Variants in KANK1 observed in about 807,000 individuals in gnomAD.
The protein encoded by KANK1 is KN motif and ankyrin repeat domain-containing protein 1.
In KANK1, 109 loss-of-function variants were observed where a neutral mutation model predicts 106.2. The observed-to-expected ratio is 1.03, with a 90% CI of 0.88 to 1.20. The LOEUF (loss-of-function observed/expected upper bound fraction) is 1.20, where lower values mean the gene tolerates loss of function less well. Among genes scored for constraint, KANK1 ranks in the 50% most tolerant of loss-of-function variants. KANK1 has a pLI of 0.00. For missense variants in KANK1, 2,399 were observed against 1,710.7 expected (o/e 1.40, Z -7.10); for synonymous variants, 873 against 652.2 (o/e 1.34, Z -5.16).
At position 585,414 on chromosome 9, in the gene KANK1, C is replaced by G. The variant is rs1019823265; in HGVS notation, c.-84+80660C>G. ...AGCTGTCAGATTGTCTACCAATGGT[C>G]TACCCATTGATGATGGAACAAGCTC... On this transcript the variant is annotated intron_variant, in intron 1 of 11. Transcript: ENST00000382297. Among the ~76,000 whole-genome samples the G allele has an allele frequency of 7.9e-5, 12 of 152,164 alleles. 1 individual carries two copies. Among genetic ancestry groups the G allele is most frequent in the Admixed American group, 2.0e-4 (3 of 15,268 alleles).
upstream of KANK1, among the ~76,000 whole-genome samples, chr9:501,723 T>A (rs1187791531): frequency 6.6e-6 from 1 of 151,942 alleles, no homozygotes; most frequent in Non-Finnish European, 1.5e-5. Context: ...TGTTACTTTT[T>A]AAAAAAATAG....
At chr9:671,919 G>T (rs1421692620) in intron 1 of KANK1, among the ~76,000 whole-genome samples, 1 of 152,112 alleles carries the variant, frequency 6.6e-6, no homozygotes, top group East Asian at 1.9e-4. Context: ...CTGCACTCCA[G>T]CCTGGGCTAC....
chr9:744,440 C>G (rs925293532), intron 10 of KANK1, 51 bp from the exon 11 acceptor site: 13 of 1,579,946 alleles, frequency 8.2e-6, no homozygotes, highest in Middle Eastern at 1.8e-4. Context: ...TTTCGGTTGT[C>G]TGGAGGTTTG....
chr9:722,968 C>G (rs1272788961), intron 3 of KANK1, among the ~76,000 whole-genome samples: 1 of 152,108 alleles, frequency 6.6e-6, no homozygotes, highest in East Asian at 1.9e-4. Context: ...AAAGACATCT[C>G]TGTGGAATGG....
intron 1 of KANK1, among the ~76,000 whole-genome samples, chr9:666,501 G>A (rs1185004867): frequency 6.6e-6 from 1 of 152,008 alleles, no homozygotes; most frequent in Non-Finnish European, 1.5e-5. Context: ...TAGTGAAAGT[G>A]CACCCCCTTG....
chr9:578,144 A>C (rs1164408383), intron 1 of KANK1, among the ~76,000 whole-genome samples: 1 of 152,226 alleles, frequency 6.6e-6, no homozygotes, highest in Non-Finnish European at 1.5e-5. Context: ...GAACTGAGCC[A>C]AATGAGGACT....
At chr9:575,079 A>G (rs1820192576) in intron 1 of KANK1, among the ~76,000 whole-genome samples, 1 of 152,218 alleles carries the variant, frequency 6.6e-6, no homozygotes, top group African/African-American at 2.4e-5. Context: ...GGCTTCTCCC[A>G]TCTTGCTTGG....
chr9:730,157 G>A lies in KANK1; in HGVS notation c.2805G>A (p.Lys935=). The A allele has an allele frequency of 6.2e-7, 1 of 1,614,210 alleles. No individual in the cohort carries two copies. Among genetic ancestry groups the A allele is most frequent in the Non-Finnish European group, 8.5e-7 (1 of 1,180,038 alleles). ...AAGAAGTGGGGACCTCAGAAGGAAAGCCAATCAGCAGCCTGGATGCCTTCC... is the reference window on the plus strand; with the variant it reads ...AAGAAGTGGGGACCTCAGAAGGAAAACCAATCAGCAGCCTGGATGCCTTCC... ...PEQEVGTSEG[K]PISSLDAFPT... is the part of the protein sequence containing the mutation. Residue 935 remains lysine, a synonymous_variant, in exon 4 of 12, where the codon AAG becomes AAA. Transcript: ENST00000382297.
chr9:634,458 CT>C (rs1316335483), intron 1 of KANK1, among the ~76,000 whole-genome samples: 1 of 152,120 alleles, frequency 6.6e-6, no homozygotes, highest in African/African-American at 2.4e-5. Flanking sequence ...GTGATGTTAT[CT>C]ATAGGAGCAA....
At chr9:678,086 A>C (rs1044621440) in intron 2 of KANK1, among the ~76,000 whole-genome samples, 9 of 152,162 alleles carry the variant, frequency 5.9e-5, no homozygotes, top group Admixed American at 2.0e-4. Flanking sequence ...TCTCAGCTGC[A>C]ATTATCTCCT....
chr9:683,020 A>G (rs1287687569), intron 2 of KANK1, among the ~76,000 whole-genome samples: 1 of 152,140 alleles, frequency 6.6e-6, no homozygotes, highest in Non-Finnish European at 1.5e-5. Context: ...CAAGTATAAG[A>G]CTAGTTTGCA....
At chr9:500,203 G>A (rs140486601), upstream of KANK1, among the ~76,000 whole-genome samples, 850 of 152,220 alleles carry the variant, frequency 5.6e-3, 6 homozygotes, top group Admixed American at 0.012. Context: ...AAAATGGGGA[G>A]AAAAAATAGT....
Position 578,450 on chromosome 9 carries a change from C to T in KANK1, c.-84+73696C>T, listed in dbSNP as rs368519177. 1.1e-4 allele frequency among the ~76,000 whole-genome samples: 16 copies of T among 151,730 alleles called. No individual in the cohort carries two copies. The South Asian group carries it at 3.3e-3, about 32-fold the overall frequency. On this transcript the variant is annotated intron_variant, in intron 1 of 11. Transcript: ENST00000382297. ...TTAAATGTTTCATTTCTTATTAATCCTGAAAGAAAAAGCCTTTTTTTTTTG... is the reference window on the plus strand; with the variant it reads ...TTAAATGTTTCATTTCTTATTAATCTTGAAAGAAAAAGCCTTTTTTTTTTG...
chr9:599,317 A>C (rs932976505), intron 1 of KANK1, among the ~76,000 whole-genome samples: 7 of 151,670 alleles, frequency 4.6e-5, no homozygotes, highest in Non-Finnish European at 7.4e-5. Flanking sequence ...CACACCCGGC[A>C]AGAAATATTA....
chr9:712,459 C>T lies in KANK1; in HGVS notation c.1693C>T (p.Pro565Ser). The change falls in exon 3 of 12, where the codon CCT becomes TCT. Residue 565 changes from proline to serine, a missense_variant. Physicochemically the swap from Pro to Ser is moderately conservative, Grantham distance 74 (BLOSUM62 -1). Transcript: ENST00000382297. ...GAATAAAGTCGTAGGGCCTGAGCTGCCTATGAATTGGTGGATTGTTAAGGA... is the reference window on the plus strand; with the variant it reads ...GAATAAAGTCGTAGGGCCTGAGCTGTCTATGAATTGGTGGATTGTTAAGGA... ...CKNKVVGPEL[P>S]MNWWIVKERV... The T allele has an allele frequency of 6.2e-7, 1 of 1,614,088 alleles. No individual in the cohort carries two copies. Among genetic ancestry groups the T allele is most frequent in the Non-Finnish European group, 8.5e-7 (1 of 1,180,036 alleles).
intron 1 of KANK1, among the ~76,000 whole-genome samples, chr9:619,443 G>C (rs879862258): frequency 2.0e-5 from 3 of 152,176 alleles, no homozygotes; most frequent in Non-Finnish European, 4.4e-5. Flanking sequence ...CCTATCGTCA[G>C]ATTTGGGTGG....
At chr9:602,150 A>G (rs777439164) in intron 1 of KANK1, among the ~76,000 whole-genome samples, 20 of 152,010 alleles carry the variant, frequency 1.3e-4, no homozygotes, top group Non-Finnish European at 1.0e-4. Context: ...GTGGAAAAAT[A>G]CTTTTACATT....
At chr9:575,262 C>T (rs1156869478) in intron 1 of KANK1, among the ~76,000 whole-genome samples, 1 of 152,212 alleles carries the variant, frequency 6.6e-6, no homozygotes, top group African/African-American at 2.4e-5. Context: ...CCACTTATAT[C>T]TGTAAAGTTA....
At chr9:727,479 G>A (rs1831005316) in intron 3 of KANK1, among the ~76,000 whole-genome samples, 1 of 151,634 alleles carries the variant, frequency 6.6e-6, no homozygotes, top group African/African-American at 2.4e-5. Context: ...ACCATGCCCA[G>A]CTAATTTTTG....
Sources: gnomAD v4.1 joint callset for allele counts (sites outside exome capture counted in the v4.1 genomes callset) on GRCh38, gnomAD v4.1.1 for gene constraint, MANE v1.5 for transcripts, NCBI Gene and HGNC (gene_info 2026-07-23, HGNC 2026-07-21) for gene names.